The following PATL2 variants were observed in gnomAD, a reference collection of about 807,000 sequenced individuals.
PATL2 encodes protein PAT1 homolog 2.
A neutral mutation model predicts 77.0 loss-of-function variants in PATL2; 73 were observed. That is an observed-to-expected ratio of 0.95 (90% CI 0.78 to 1.15). The LOEUF is 1.15. PATL2 is among the 50% of genes most tolerant of loss of function. PATL2 has a pLI of 0.00. For missense variants in PATL2, 618 were observed against 655.4 expected, an observed-to-expected ratio of 0.94 and a Z score of 0.62; for synonymous variants, 265 against 257.1, an observed-to-expected ratio of 1.03 and a Z score of -0.29.
At position 44,666,436 on chromosome 15, in the gene PATL2, G is replaced by A; in HGVS notation, c.1569C>T (p.His523=). Residue 523 remains histidine (H), a synonymous_variant, in exon 17 of 18, where the codon CAC becomes CAT. Transcript: ENST00000682850. ...GCTGAACCAATTGTTTGTCCACGTG[G>A]TGACAGAACAGGGGAAGTAGGTTGC... ...FPSNLLPLFC[H]HVDKQLVQQL... 2 of 1,551,708 alleles carry A rather than the reference G, an allele frequency of 1.3e-6. No individual in the cohort carries two copies. The highest frequency in any genetic ancestry group is 1.7e-6 in the Non-Finnish European group (2 of 1,147,002).
chr15:44,674,263 A>G, intron 5 of PATL2, 33 bp from the exon 6 acceptor site: 1 of 1,459,434 alleles, frequency 6.9e-7, no homozygotes, highest in Non-Finnish European at 9.4e-7. Context: ...CCAGGCTCAA[A>G]TGGGCCCCTG....
At chr15:44,685,858 C>G (rs2086241797) in intron 3 of PATL2, among the ~76,000 whole-genome samples, 1 of 152,174 alleles carries the variant, frequency 6.6e-6, no homozygotes, top group South Asian at 2.1e-4. Context: ...GAAGAGCTAA[C>G]TATCCTAAAT....
At chr15:44,703,099 C>T (rs1030336002) in intron 3 of PATL2, among the ~76,000 whole-genome samples, 1 of 152,000 alleles carries the variant, frequency 6.6e-6, no homozygotes, top group Non-Finnish European at 1.5e-5. Context: ...CGTGGAGAAA[C>T]CCCATCTGTA....
At chr15:44,699,562 A>T (rs534252258) in intron 3 of PATL2, among the ~76,000 whole-genome samples, 90 of 152,104 alleles carry the variant, frequency 5.9e-4, no homozygotes, top group Middle Eastern at 3.4e-3. Context: ...CTGGTCTCAA[A>T]CTCCTGGTCA....
intron 3 of PATL2, chr15:44,676,937 T>C: frequency 9.9e-7 from 1 of 1,010,558 alleles, no homozygotes. Flanking sequence ...TTGCCGCTCC[T>C]GGCTTTAAAA....
rs902744564 is a variant in PATL2 at position 44,669,492 on chromosome 15, A to G, written c.930+18T>C. The G allele has an allele frequency of 3.7e-5, 58 of 1,550,770 alleles. No homozygotes were observed. The highest frequency in any genetic ancestry group is 4.6e-5 in the Non-Finnish European group (53 of 1,146,460). Reference sequence around the variant, plus strand: ...AAAGGTAGGTTTGGAACTCGTCCCTAAGGAACTGATATCTCACCTTCTCAA... The same window carrying G: ...AAAGGTAGGTTTGGAACTCGTCCCTGAGGAACTGATATCTCACCTTCTCAA... On this transcript the variant is annotated intron_variant, in intron 12 of 17. Transcript: ENST00000682850.
At chr15:44,687,091 G>C (rs913003684) in intron 3 of PATL2, among the ~76,000 whole-genome samples, 1 of 152,108 alleles carries the variant, frequency 6.6e-6, no homozygotes, top group African/African-American at 2.4e-5. Context: ...ACCTGGCAGA[G>C]ACACAACAAA....
At chr15:44,680,310 A>T (rs1046259843) in intron 3 of PATL2, among the ~76,000 whole-genome samples, 3 of 152,162 alleles carry the variant, frequency 2.0e-5, no homozygotes, top group Non-Finnish European at 4.4e-5. Context: ...CCTTTCCCAT[A>T]CATCCCTCAT....
intron 3 of PATL2, among the ~76,000 whole-genome samples, chr15:44,678,885 C>T (rs2086062061): frequency 6.6e-6 from 1 of 152,042 alleles, no homozygotes; most frequent in Admixed American, 6.6e-5. Context: ...GTTTCAGGTT[C>T]TTTAATAGCA....
intron 9 of PATL2, among the ~76,000 whole-genome samples, chr15:44,670,438 C>T (rs1021836823): frequency 6.6e-6 from 1 of 152,156 alleles, no homozygotes; most frequent in Non-Finnish European, 1.5e-5. Context: ...AAGCAATCAG[C>T]CCTCCTTGGC....
At position 44,666,431 on chromosome 15, in the gene PATL2, A is replaced by G; in HGVS notation, c.1574T>C (p.Val525Ala). ...SNLLPLFCHH[V>A]DKQLVQQLEA... ...CAGCTGCTGAACCAATTGTTTGTCC[A>G]CGTGGTGACAGAACAGGGGAAGTAG... Residue 525 changes from valine to alanine, a missense_variant, in exon 17 of 18, where the codon GTG (valine) becomes GCG (alanine). Physicochemically the swap from Val to Ala is moderately conservative, Grantham distance 64. Transcript: ENST00000682850. 6.4e-7 allele frequency: 1 copy of G among 1,551,744 alleles called. No homozygotes were observed. The highest frequency in any genetic ancestry group is 2.0e-5 in the Admixed American group (1 of 51,004).
intron 3 of PATL2, among the ~76,000 whole-genome samples, chr15:44,682,921 G>C (rs1053064232): frequency 6.6e-6 from 1 of 152,244 alleles, no homozygotes; most frequent in Non-Finnish European, 1.5e-5. Flanking sequence ...TGGTTAGACA[G>C]TGGGTGCAGC....
intron 3 of PATL2, among the ~76,000 whole-genome samples, chr15:44,707,806 A>G (rs1272695656): frequency 6.6e-6 from 1 of 152,182 alleles, no homozygotes; most frequent in African/African-American, 2.4e-5. Context: ...GGACTTACCC[A>G]GGAATTGCCA....
At position 44,672,342 on chromosome 15, in the gene PATL2, C is replaced by T. The variant is rs942163537; in HGVS notation, c.515+46G>A. The stretch of plus-strand genomic sequence containing the variant: ...CAACTGGTCACAAGGGGAGACCCGG[C>T]ATGCAAATGGGCTCCCCTCAACCCT... On this transcript the variant is annotated intron_variant, in intron 8 of 17. Transcript: ENST00000682850. 5 of 1,536,854 alleles carry T rather than the reference C, an allele frequency of 3.3e-6. No homozygotes were observed. The Admixed American group carries it at 5.9e-5, about 18-fold the overall frequency.
intron 11 of PATL2, 100 bp downstream of exon 11, chr15:44,669,677 A>C: frequency 6.6e-7 from 1 of 1,509,892 alleles, no homozygotes. Context: ...GTCTGATCAC[A>C]CTTCTTCCTC....
rs189474564 is a variant in PATL2, at chr15:44,666,286, T to C, written c.1613+106A>G. On this transcript the variant is annotated intron_variant, in intron 17 of 17. Transcript: ENST00000682850. ...GTGTAGAACCACTTCTAAAAACACA[T>C]GATCCTTCATGCTCATAATTTAGAA... 1.8e-5 allele frequency: 26 copies of C among 1,410,166 alleles called. 1 individual carries two copies. In the Admixed American group the frequency reaches 4.1e-4, roughly 22 times the overall value. The allele number at this position is 1,410,166 out of a possible 1,614,324, so 87.4% of individuals were successfully genotyped here. A position where few individuals can be genotyped will look rare whatever the true frequency, so the allele number is the denominator to read the frequency against.
In PATL2 at chr15:44,676,514, T is replaced by C; in HGVS notation, c.-24A>G. 1.3e-6 allele frequency: 2 copies of C among 1,551,412 alleles called. No individual in the cohort carries two copies. Among genetic ancestry groups the C allele is most frequent in the Non-Finnish European group, 1.7e-6 (2 of 1,146,822 alleles). ...ATCTTGGCAGGCTGGTGGACTTCCT[T>C]CTTAGCCGTGTCCTCCAGTGAAACA... On this transcript the variant is annotated 5_prime_UTR_variant, in exon 4 of 18. Transcript: ENST00000682850.
chr15:44,665,771 G>C lies in PATL2; in HGVS notation c.*182C>G. The C allele has an allele frequency of 1.4e-6, 2 of 1,475,170 alleles. No individual in the cohort carries two copies. The highest frequency in any genetic ancestry group is 1.8e-6 in the Non-Finnish European group (2 of 1,106,552). 91.4% of individuals were successfully genotyped at this position (1,475,170 alleles called of 1,614,324 possible). Reference sequence around the variant, plus strand: ...CTTTAATTATACCTTATTATGCCATGTCTTATTTTTAGGCACATCATTTAG... The same window carrying C: ...CTTTAATTATACCTTATTATGCCATCTCTTATTTTTAGGCACATCATTTAG... On this transcript the variant is annotated 3_prime_UTR_variant, in exon 18 of 18. Coordinates refer to ENST00000682850, the MANE Select transcript of PATL2 (RefSeq NM_001387263.1).
intron 3 of PATL2, among the ~76,000 whole-genome samples, chr15:44,702,836 T>C (rs756807813): frequency 6.6e-5 from 10 of 152,144 alleles, no homozygotes; most frequent in Non-Finnish European, 1.3e-4. Context: ...TTTTTTTCCA[T>C]TGTGGTCAGA....
Sources: allele counts gnomAD v4.1 joint callset (sites outside exome capture counted in the v4.1 genomes callset), GRCh38; gene constraint gnomAD v4.1.1; transcripts MANE v1.5; gene names NCBI Gene and HGNC (gene_info 2026-07-23, HGNC 2026-07-21).